Variants in CPVL observed in about 807,000 individuals in gnomAD.
CPVL encodes carboxypeptidase vitellogenic like.
A neutral mutation model predicts 63.7 loss-of-function variants in CPVL; 51 were observed. The ratio of observed to expected loss-of-function variants is 0.80; its 90% CI spans 0.64 to 1.01. The LOEUF (loss-of-function observed/expected upper bound fraction) is 1.01, where lower values mean the gene tolerates loss of function less well. CPVL is among the 50% of genes least tolerant of loss of function. The pLI, the probability that CPVL is intolerant of heterozygous loss-of-function variation, is 0.00. For synonymous variants in CPVL, 195 were observed against 206.0 expected (o/e 0.95, Z 0.46); for missense variants, 530 against 573.1 (o/e 0.92, Z 0.77).
intron 5 of CPVL, among the ~76,000 whole-genome samples, chr7:29,176,691 T>C (rs1020428636): frequency 1.8e-4 from 27 of 152,014 alleles, no homozygotes; most frequent in African/African-American, 5.8e-4. Flanking sequence ...GCCAAGAAAA[T>C]GGGAAACTTC....
rs116701642 is a variant in CPVL at position 29,054,670 on chromosome 7, G to A, written c.1137+9391C>T. Among the ~76,000 whole-genome samples the A allele has an allele frequency of 9.8e-3, 1,485 of 152,134 alleles. 23 individuals carry two copies. The highest frequency in any genetic ancestry group is 0.034 in the African/African-American group (1,415 of 41,502). On this transcript the variant is annotated intron_variant, in intron 11 of 12. Transcript: ENST00000265394. ...TGCATTCATAACCTTTATCAGATAT[G>A]GCAAATTTTCAGCCACTGTTTCTTA... is the stretch of plus-strand genomic sequence containing the variant.
At chr7:29,149,714 C>T (rs948670503), upstream of CPVL, among the ~76,000 whole-genome samples, 2 of 152,176 alleles carry the variant, frequency 1.3e-5, no homozygotes, top group African/African-American at 4.8e-5. Flanking sequence ...AGGATCCTTC[C>T]TCGCTGCTTC....
rs1783516023 is a variant in CPVL at position 29,195,153 on chromosome 7, G to C, written c.-524C>G. 26 of 639,222 alleles carry C rather than the reference G, an allele frequency of 4.1e-5. No individual in the cohort carries two copies. The South Asian group carries it at 6.6e-4, about 16-fold the overall frequency. The allele number at this position is 639,222 out of a possible 1,614,324, so 39.6% of individuals were successfully genotyped here. ...TACTTGTTTGGTTCGCCAGCACCTC[G>C]GTGCCCAGAGCACCTCCGCGCCTGA... On this transcript the variant is annotated 5_prime_UTR_variant, in exon 1 of 17. Transcript: ENST00000409850.
intron 11 of CPVL, among the ~76,000 whole-genome samples, chr7:29,062,970 G>T (rs563665583): frequency 1.2e-4 from 19 of 152,132 alleles, no homozygotes; most frequent in Non-Finnish European, 2.5e-4. Flanking sequence ...CTTCGGAGTT[G>T]CCCTAGAGAC....
At chr7:29,057,501 A>C (rs1790858966) in intron 11 of CPVL, among the ~76,000 whole-genome samples, 1 of 152,316 alleles carries the variant, frequency 6.6e-6, no homozygotes, top group East Asian at 1.9e-4. Flanking sequence ...ATTAATTTTA[A>C]TGATGTCCAG....
chr7:29,143,457 T>C (rs1039328825), intron 1 of CPVL, among the ~76,000 whole-genome samples: 9 of 152,120 alleles, frequency 5.9e-5, no homozygotes, highest in Non-Finnish European at 2.9e-5. Flanking sequence ...AATCAAACAC[T>C]GGGAAAAAAT....
intron 12 of CPVL, among the ~76,000 whole-genome samples, chr7:28,996,552 A>AAC: frequency 6.6e-6 from 1 of 151,520 alleles, no homozygotes; most frequent in Admixed American, 6.6e-5. Flanking sequence ...CAAAAAACAA[A>AAC]AAAAAAAAAA....
intron 11 of CPVL, among the ~76,000 whole-genome samples, chr7:29,059,489 G>C (rs1791063412): frequency 2.6e-5 from 4 of 152,116 alleles, no homozygotes; most frequent in Admixed American, 2.0e-4. Context: ...ACACCAAAAA[G>C]ATTCTACAGC....
chr7:29,002,274 T>C (rs1363122534), intron 12 of CPVL, among the ~76,000 whole-genome samples: 1 of 152,160 alleles, frequency 6.6e-6, no homozygotes, highest in Non-Finnish European at 1.5e-5. Context: ...ACTGCAGGCT[T>C]TCCATCAGAT....
chr7:29,118,460 TG>T (rs1562777882), intron 2 of CPVL, among the ~76,000 whole-genome samples: 1 of 152,208 alleles, frequency 6.6e-6, no homozygotes, highest in African/African-American at 2.4e-5. Flanking sequence ...GCCCATATGG[TG>T]GGGCAGCCAT....
chr7:29,121,183 C>A, intron 1 of CPVL, 112 bp from the exon 2 acceptor site: 1 of 1,017,966 alleles, frequency 9.8e-7, no homozygotes, highest in Middle Eastern at 2.4e-4. Context: ...TGTGTAAAGG[C>A]CCTCTGCAAG....
At chr7:29,075,396 C>T (rs1024357218) in intron 7 of CPVL, among the ~76,000 whole-genome samples, 3 of 151,924 alleles carry the variant, frequency 2.0e-5, no homozygotes, top group East Asian at 1.9e-4. Context: ...AACAAGGGCC[C>T]GTGCATTTCA....
rs1000029828 is a variant in CPVL, at chr7:29,133,734, C to A, written c.-10-12663G>T. ...TTTTAAAGTTATAAATCCCAATACC[C>A]AAGAAAATAGAAGAGATAACAGTAA... is the stretch of plus-strand genomic sequence containing the variant. On this transcript the variant is annotated intron_variant, in intron 1 of 12. Coordinates refer to ENST00000265394, the MANE Select transcript of CPVL (RefSeq NM_031311.5). Among the ~76,000 whole-genome samples, 8 of 152,072 alleles carry A rather than the reference C, an allele frequency of 5.3e-5. 1 individual carries two copies. Among genetic ancestry groups the A allele is most frequent in the African/African-American group, 1.9e-4 (8 of 41,388 alleles).
At chr7:29,022,574 C>T (rs1311812583) in intron 12 of CPVL, among the ~76,000 whole-genome samples, 2 of 152,216 alleles carry the variant, frequency 1.3e-5, no homozygotes, top group Non-Finnish European at 2.9e-5. Flanking sequence ...AGGGATTGAC[C>T]TACCCCACCC....
At chr7:29,035,724 G>C (rs370617068) in intron 11 of CPVL, among the ~76,000 whole-genome samples, 10 of 152,310 alleles carry the variant, frequency 6.6e-5, no homozygotes, top group African/African-American at 2.4e-4. Flanking sequence ...GCTCTTTAAT[G>C]GTTTCATGTG....
chr7:29,136,630 T>A (rs1235292302), intron 1 of CPVL, among the ~76,000 whole-genome samples: 2 of 152,166 alleles, frequency 1.3e-5, no homozygotes, highest in Non-Finnish European at 2.9e-5. Flanking sequence ...GGTAAAAGTA[T>A]GAGAGGAGGT....
chr7:29,148,783 AG>A (rs1793133934), upstream of CPVL: 1 of 152,186 alleles, frequency 6.6e-6, no homozygotes, highest in Admixed American at 6.5e-5. Flanking sequence ...GTTGTGGGGA[AG>A]GGATGAAGGG....
At chr7:28,998,574 C>T (rs1248488251) in intron 12 of CPVL, among the ~76,000 whole-genome samples, 2 of 152,168 alleles carry the variant, frequency 1.3e-5, no homozygotes, top group African/African-American at 2.4e-5. Context: ...GAATAATGTC[C>T]CTGGAATACT....
At chr7:29,173,542 A>G (rs1796882511) in intron 5 of CPVL, among the ~76,000 whole-genome samples, 1 of 152,182 alleles carries the variant, frequency 6.6e-6, no homozygotes, top group Admixed American at 6.5e-5. Context: ...GTCACAAGGC[A>G]ACCAGGAAAG....
Sources: allele counts gnomAD v4.1 joint callset (sites outside exome capture counted in the v4.1 genomes callset), GRCh38; gene constraint gnomAD v4.1.1; transcripts MANE v1.5; gene names NCBI Gene and HGNC (gene_info 2026-07-23, HGNC 2026-07-21).